OSTF1: variants seen among roughly 807,000 people sequenced by gnomAD.
OSTF1 encodes the protein osteoclast-stimulating factor 1.
OSTF1 carries 27 observed loss-of-function variants against 37.2 expected under a neutral mutation model. The ratio of observed to expected loss-of-function variants is 0.73; its 90% confidence interval spans 0.54 to 1.00. The LOEUF (loss-of-function observed/expected upper bound fraction) is 1.00, where lower values mean the gene tolerates loss of function less well. Among genes scored for constraint, OSTF1 ranks in the 50% least tolerant of loss-of-function variants. The probability of loss-of-function intolerance (pLI) is 0.00; values close to 1 mark genes in which losing one functional copy is unlikely to be tolerated. For missense variants in OSTF1, 232 were observed against 253.8 expected (o/e 0.91, Z 0.58); for synonymous variants, 82 against 89.2 (o/e 0.92, Z 0.46).
intron 1 of OSTF1, among the ~76,000 whole-genome samples, chr9:75,098,765 A>G (rs1825134985): frequency 6.6e-6 from 1 of 152,154 alleles, no homozygotes; most frequent in Non-Finnish European, 1.5e-5. Flanking sequence ...CCATAGATTT[A>G]AATTAAGACC....
chr9:75,123,795 G>A (rs1285110428), intron 2 of OSTF1, among the ~76,000 whole-genome samples: 2 of 152,138 alleles, frequency 1.3e-5, no homozygotes, highest in Admixed American at 6.5e-5. Flanking sequence ...ATAAACTGTC[G>A]ACTGTAATTT....
At chr9:75,093,038 C>G (rs969619245) in intron 1 of OSTF1, among the ~76,000 whole-genome samples, 30 of 143,634 alleles carry the variant, frequency 2.1e-4, no homozygotes, top group Admixed American at 4.3e-4. Flanking sequence ...TTCTTTCTTT[C>G]TTTCTCTCTC....
intron 6 of OSTF1, among the ~76,000 whole-genome samples, 185 bp from the exon 7 acceptor site, chr9:75,134,161 T>C (rs1175655620): frequency 6.6e-6 from 1 of 152,214 alleles, no homozygotes; most frequent in Non-Finnish European, 1.5e-5. Flanking sequence ...AGAAAAAGTA[T>C]ATTTTCCTAA....
chr9:75,096,678 A>G (rs1825092178), intron 1 of OSTF1, among the ~76,000 whole-genome samples: 1 of 152,130 alleles, frequency 6.6e-6, no homozygotes, highest in African/African-American at 2.4e-5. Flanking sequence ...AATGACTACA[A>G]CCTGGAGGTT....
chr9:75,126,175 A>G (rs1825658996), intron 2 of OSTF1, among the ~76,000 whole-genome samples: 2 of 152,190 alleles, frequency 1.3e-5, no homozygotes, highest in Non-Finnish European at 2.9e-5. Context: ...TCAGCCTCCC[A>G]AAGTGCAGGA....
intron 2 of OSTF1, among the ~76,000 whole-genome samples, chr9:75,118,323 A>G (rs566858752): frequency 1.1e-4 from 17 of 152,332 alleles, no homozygotes; most frequent in African/African-American, 4.1e-4. Flanking sequence ...GGTGGATGCT[A>G]GAATAGAAAA....
rs1309759533 is a variant in OSTF1 at position 75,088,746 on chromosome 9, C to T, written c.34+20C>T. 1.2e-6 allele frequency: 2 copies of T among 1,600,280 alleles called. No homozygotes were observed. The highest frequency in any genetic ancestry group is 1.7e-4 in the Middle Eastern group (1 of 6,002). ...AACCAGGTGAGGGAGGTAAGGTAGG[C>T]GCTTGCCAGGTCCTGCGACCGCCGC... On this transcript the variant is annotated intron_variant, in intron 1 of 9. Transcript: ENST00000346234.
At chr9:75,128,686 A>G (rs983436302) in intron 3 of OSTF1, among the ~76,000 whole-genome samples, 1 of 145,408 alleles carries the variant, frequency 6.9e-6, no homozygotes, top group Non-Finnish European at 1.5e-5. Flanking sequence ...TTGTTAGGGA[A>G]ATGTAGGTAT....
At chr9:75,116,593 C>T (rs1587454833) in intron 1 of OSTF1, among the ~76,000 whole-genome samples, 1 of 144,824 alleles carries the variant, frequency 6.9e-6, no homozygotes, top group African/African-American at 2.5e-5. Flanking sequence ...TCATAGGTTT[C>T]TCCAATGGGT....
At chr9:75,107,446 T>G (rs2118456926) in intron 1 of OSTF1, among the ~76,000 whole-genome samples, 1 of 152,294 alleles carries the variant, frequency 6.6e-6, no homozygotes, top group African/African-American at 2.4e-5. Flanking sequence ...TGATTCTCTC[T>G]TGATCAAATA....
intron 1 of OSTF1, among the ~76,000 whole-genome samples, chr9:75,116,408 C>A (rs1160539258): frequency 6.6e-6 from 1 of 152,040 alleles, no homozygotes; most frequent in Non-Finnish European, 1.5e-5. Flanking sequence ...GGAAATTGAC[C>A]AAGTTAGAGT....
intron 8 of OSTF1, among the ~76,000 whole-genome samples, chr9:75,137,917 G>T (rs1825868939): frequency 6.6e-6 from 1 of 152,178 alleles, no homozygotes; most frequent in Admixed American, 6.5e-5. Flanking sequence ...AAGAATGTAT[G>T]TGTACACGTG....
At chr9:75,123,119 T>C (rs1487980142) in intron 2 of OSTF1, among the ~76,000 whole-genome samples, 1 of 152,188 alleles carries the variant, frequency 6.6e-6, no homozygotes, top group African/African-American at 2.4e-5. Context: ...AAAGGAGGAA[T>C]GTAGTTAAAA....
chr9:75,127,232 T>C (rs1408412582), intron 2 of OSTF1, among the ~76,000 whole-genome samples: 1 of 152,316 alleles, frequency 6.6e-6, no homozygotes, highest in East Asian at 1.9e-4. Flanking sequence ...TATATTTTTA[T>C]GAAAAAATGT....
intron 1 of OSTF1, among the ~76,000 whole-genome samples, chr9:75,094,269 T>C (rs1825032577): frequency 1.3e-5 from 2 of 152,152 alleles, no homozygotes; most frequent in Non-Finnish European, 2.9e-5. Context: ...AACTATGCAC[T>C]TTTTGAGAGT....
intron 5 of OSTF1, 65 bp downstream of exon 5, chr9:75,131,888 T>C (rs2281662): frequency 0.33 from 397,737 of 1,202,482 alleles, 68,044 homozygotes; most frequent in Admixed American, 0.38. Context: ...CAATTAGCTT[T>C]GACAAGTGCA....
At chr9:75,130,749 C>G (rs1312403241) in intron 4 of OSTF1, 108 bp downstream of exon 4, 1 of 717,466 alleles carries the variant, frequency 1.4e-6, no homozygotes, top group East Asian at 2.6e-5. Context: ...GAGTCATTGT[C>G]AGTCTAGGAC....
chr9:75,141,934 A>G (rs974928328), intron 9 of OSTF1, among the ~76,000 whole-genome samples: 1 of 151,678 alleles, frequency 6.6e-6, no homozygotes, highest in Admixed American at 6.6e-5. Flanking sequence ...TAATGTAGAG[A>G]TAGGGGTCTT....
At chr9:75,125,162 G>C (rs1825641927) in intron 2 of OSTF1, among the ~76,000 whole-genome samples, 1 of 152,146 alleles carries the variant, frequency 6.6e-6, no homozygotes, top group South Asian at 2.1e-4. Context: ...AGGTGAGAGA[G>C]TCAGATGGTG....
Sources: gnomAD v4.1 joint callset for allele counts (sites outside exome capture counted in the v4.1 genomes callset) on GRCh38, gnomAD v4.1.1 for gene constraint, MANE v1.5 for transcripts, NCBI Gene and HGNC (gene_info 2026-07-23, HGNC 2026-07-21) for gene names.